NEK10: variants seen among roughly 807,000 people sequenced by gnomAD.
NEK10 encodes NIMA related kinase 10, also known as serine/threonine-protein kinase Nek10.
In NEK10, 122 loss-of-function variants were observed where a neutral mutation model predicts 159.8. The observed-to-expected ratio is 0.76, with a 90% CI of 0.66 to 0.89. NEK10 has a LOEUF of 0.89. NEK10 is among the 40% of genes least tolerant of loss of function. The pLI, the probability that NEK10 is intolerant of heterozygous loss-of-function variation, is 0.00. For synonymous variants in NEK10, 466 were observed against 457.1 expected, an observed-to-expected ratio of 1.02 and a Z score of -0.25; for missense variants, 1,342 against 1,323.1, an observed-to-expected ratio of 1.01 and a Z score of -0.22.
At chr3:27,133,056 G>A (rs1942799080) in intron 31 of NEK10, among the ~76,000 whole-genome samples, 1 of 152,174 alleles carries the variant, frequency 6.6e-6, no homozygotes, top group African/African-American at 2.4e-5. Flanking sequence ...GTGTCACTCT[G>A]AGGATAAGAC....
chr3:27,201,558 G>C lies in NEK10; in HGVS notation c.2243C>G (p.Pro748Arg), dbSNP rs1575215909. ...ATKIVEAVYE[P>R]VPEGIYSEKV... ...TTCAGAGTAGATACCTTCTGGGACT[G>C]GTTCATATACCGCCTCCACTATCTG... Residue 748 changes from proline to arginine, a missense_variant, in exon 25 of 36, where the codon CCA (proline) becomes CGA (arginine). Physicochemically the swap from Pro to Arg is moderately radical, Grantham distance 103. Transcript: ENST00000691995. 2 of 1,613,698 alleles carry C rather than the reference G, an allele frequency of 1.2e-6. No individual in the cohort carries two copies. Among genetic ancestry groups the C allele is most frequent in the Admixed American group, 1.7e-5 (1 of 59,950 alleles).
At chr3:27,361,427 A>G (rs1393875406) in intron 1 of NEK10, among the ~76,000 whole-genome samples, 2 of 152,256 alleles carry the variant, frequency 1.3e-5, no homozygotes, top group Non-Finnish European at 2.9e-5. Flanking sequence ...AAGAATTTAT[A>G]TTAACCCGTC....
chr3:27,136,129 T>TG (rs1943176708), intron 31 of NEK10, among the ~76,000 whole-genome samples: 1 of 141,596 alleles, frequency 7.1e-6, no homozygotes, highest in African/African-American at 2.7e-5. Flanking sequence ...TTTTTTTTTT[T>TG]TGAGATAGAG....
chr3:27,325,823 C>A (rs771934269), intron 5 of NEK10, among the ~76,000 whole-genome samples: 42 of 152,226 alleles, frequency 2.8e-4, no homozygotes, highest in Non-Finnish European at 5.6e-4. Context: ...AAGAATATCA[C>A]TGGCTGAGGA....
At chr3:27,171,525 A>T (rs919729723) in intron 29 of NEK10, among the ~76,000 whole-genome samples, 2 of 152,118 alleles carry the variant, frequency 1.3e-5, no homozygotes, top group African/African-American at 4.8e-5. Context: ...AGATGACCTC[A>T]TGGAGCACAG....
chr3:27,224,395 C>T (rs182932132), intron 23 of NEK10, among the ~76,000 whole-genome samples: 301 of 152,342 alleles, frequency 2.0e-3, no homozygotes, highest in Non-Finnish European at 2.2e-3. Flanking sequence ...GCTGCATACT[C>T]CCGCCCCCAC....
chr3:27,124,925 T>C (rs1941769460), intron 32 of NEK10, among the ~76,000 whole-genome samples: 1 of 152,168 alleles, frequency 6.6e-6, no homozygotes, highest in African/African-American at 2.4e-5. Flanking sequence ...CCCTTTTTTT[T>C]GCCTCATGAG....
intron 22 of NEK10, among the ~76,000 whole-genome samples, chr3:27,268,631 C>A (rs560296242): frequency 1.3e-5 from 2 of 152,272 alleles, no homozygotes; most frequent in African/African-American, 4.8e-5. Flanking sequence ...GTAAAAAATT[C>A]CTTTCAAAAT....
At chr3:27,248,879 CA>C (rs1166062751) in intron 23 of NEK10, among the ~76,000 whole-genome samples, 1 of 152,156 alleles carries the variant, frequency 6.6e-6, no homozygotes, top group Non-Finnish European at 1.5e-5. Context: ...ATTTGGTCTA[CA>C]GTGCAGATTA....
At position 27,136,282 on chromosome 3, in the gene NEK10, TTTTCTATTTTTA is replaced by T. The variant is rs750001426; in HGVS notation, c.2971-4304_2971-4293del. Among the ~76,000 whole-genome samples, 436 of 151,888 alleles carry T rather than the reference TTTTCTATTTTTA, an allele frequency of 2.9e-3. 2 individuals carry two copies. The highest frequency in any genetic ancestry group is 4.5e-3 in the Admixed American group (69 of 15,252). On this transcript the variant is annotated intron_variant, in intron 31 of 35. Transcript: ENST00000691995. ...CGCCCACCACCACGCCCGGCTAATTTTTTCTATTTTTAGTAGAGACGGTGTTTCACTGTGTTA... is the reference window on the plus strand; with the variant it reads ...CGCCCACCACCACGCCCGGCTAATTTGTAGAGACGGTGTTTCACTGTGTTA...
intron 23 of NEK10, among the ~76,000 whole-genome samples, chr3:27,207,437 T>C (rs774220318): frequency 3.3e-5 from 5 of 152,092 alleles, no homozygotes; most frequent in African/African-American, 9.7e-5. Context: ...TTTAGAGATG[T>C]CATAAAAGAA....
At chr3:27,175,280 T>C (rs1256387861) in intron 26 of NEK10, among the ~76,000 whole-genome samples, 1 of 151,714 alleles carries the variant, frequency 6.6e-6, no homozygotes, top group African/African-American at 2.4e-5. Flanking sequence ...CCATGGAGAG[T>C]GAGAGGCAAG....
At chr3:27,262,051 C>T (rs1415719319) in intron 22 of NEK10, among the ~76,000 whole-genome samples, 6 of 152,116 alleles carry the variant, frequency 3.9e-5, no homozygotes, top group Admixed American at 3.9e-4. Flanking sequence ...GCAACCCCTC[C>T]CTTTTTTTGT....
chr3:27,277,136 T>C (rs1163238268), intron 22 of NEK10, among the ~76,000 whole-genome samples: 1 of 152,086 alleles, frequency 6.6e-6, no homozygotes, highest in Non-Finnish European at 1.5e-5. Flanking sequence ...CATCTTTGAA[T>C]TTGGTAATAA....
At chr3:27,280,713 C>T (rs1443921466) in intron 22 of NEK10, among the ~76,000 whole-genome samples, 1 of 152,126 alleles carries the variant, frequency 6.6e-6, no homozygotes, top group Non-Finnish European at 1.5e-5. Flanking sequence ...TCAACTGGAA[C>T]TCGCAGTGCT....
At chr3:27,132,430 T>C (rs1490814467) in intron 31 of NEK10, among the ~76,000 whole-genome samples, 2 of 152,154 alleles carry the variant, frequency 1.3e-5, no homozygotes, top group African/African-American at 4.8e-5. Context: ...ATATCTGCTT[T>C]AGTAGTATAT....
At chr3:27,266,036 A>T (rs2040863900) in intron 22 of NEK10, among the ~76,000 whole-genome samples, 1 of 151,870 alleles carries the variant, frequency 6.6e-6, no homozygotes, top group African/African-American at 2.4e-5. Flanking sequence ...CTCGATCCTG[A>T]CCTCGTGATC....
At position 27,199,262 on chromosome 3, in the gene NEK10, A is replaced by T. The variant is rs549269727; in HGVS notation, c.2291+2248T>A. Among the ~76,000 whole-genome samples, 6 of 152,274 alleles carry T rather than the reference A, an allele frequency of 3.9e-5. No individual in the cohort carries two copies. In the East Asian group the frequency reaches 1.2e-3, roughly 29 times the overall value. Reference sequence around the variant, plus strand: ...TTCTATAAGGAACTTAAGCAAATTTACAAGAGAAAAACAACCCCATTAAAA... The same window carrying T: ...TTCTATAAGGAACTTAAGCAAATTTTCAAGAGAAAAACAACCCCATTAAAA... On this transcript the variant is annotated intron_variant, in intron 25 of 35. Coordinates refer to ENST00000691995, the MANE Select transcript of NEK10 (RefSeq NM_001394966.1).
chr3:27,238,350 T>C (rs1954174652), intron 23 of NEK10, among the ~76,000 whole-genome samples: 1 of 152,152 alleles, frequency 6.6e-6, no homozygotes, highest in Non-Finnish European at 1.5e-5. Context: ...CAATAAGCTA[T>C]TTTCTGTGAG....
Sources: gnomAD v4.1 joint callset for allele counts (sites outside exome capture counted in the v4.1 genomes callset) on GRCh38, gnomAD v4.1.1 for gene constraint, MANE v1.5 for transcripts, NCBI Gene and HGNC (gene_info 2026-07-23, HGNC 2026-07-21) for gene names.